PITPNA: variants seen among roughly 807,000 people sequenced by gnomAD.
PITPNA encodes phosphatidylinositol transfer protein alpha.
Under a neutral mutation model 50.3 loss-of-function variants are expected in PITPNA, and 13 were observed. The ratio of observed to expected loss-of-function variants is 0.26; its 90% confidence interval spans 0.17 to 0.41. The LOEUF is 0.41. Ranked by LOEUF, PITPNA falls within the 10% of genes least tolerant of loss-of-function variation. PITPNA has a pLI of 1.00. For synonymous variants in PITPNA, 120 were observed against 119.6 expected (o/e 1.00, Z -0.02); for missense variants, 207 against 333.4 (o/e 0.62, Z 2.95).
At chr17:1,528,299 C>A (rs1250553280) in intron 10 of PITPNA, among the ~76,000 whole-genome samples, 1 of 152,186 alleles carries the variant, frequency 6.6e-6, no homozygotes, top group African/African-American at 2.4e-5. Context: ...CACCACCACA[C>A]CTGGCTGATT....
intron 4 of PITPNA, among the ~76,000 whole-genome samples, chr17:1,544,624 G>A (rs940657506): frequency 6.6e-6 from 1 of 152,236 alleles, no homozygotes; most frequent in Non-Finnish European, 1.5e-5. Flanking sequence ...ATTTCCAAAT[G>A]AGACTAATAA....
At position 1,528,608 on chromosome 17, in the gene PITPNA, G is replaced by A. The variant is rs188808250; in HGVS notation, c.768+5491C>T. 9.2e-5 allele frequency among the ~76,000 whole-genome samples: 14 copies of A among 152,066 alleles called. No individual in the cohort carries two copies. In the East Asian group the frequency reaches 2.3e-3, roughly 25 times the overall value. ...AAAAAATTAGTCAGGTGTAGTGGTG[G>A]GACCTGAAGTCCTAGCTACTTAGGA... On this transcript the variant is annotated intron_variant, in intron 10 of 11. Transcript: ENST00000313486.
At position 1,559,113 on chromosome 17, in the gene PITPNA, G is replaced by C. The variant is rs945780920; in HGVS notation, c.21-554C>G. Among the ~76,000 whole-genome samples the C allele has an allele frequency of 5.3e-5, 8 of 152,066 alleles. No individual in the cohort carries two copies. In the East Asian group the frequency reaches 1.5e-3, roughly 29 times the overall value. ...ACCTCCCAACAACAGCCCTCCAGGG[G>C]AAGGGCCAGGAAGGGACCAAGCCCC... On this transcript the variant is annotated intron_variant, in intron 1 of 11. Transcript: ENST00000313486.
chr17:1,537,084 T>G (rs997891049), intron 7 of PITPNA, among the ~76,000 whole-genome samples: 3 of 151,050 alleles, frequency 2.0e-5, no homozygotes, highest in Admixed American at 2.0e-4. Context: ...TTTTTTTTTT[T>G]GACACAGTTT....
At chr17:1,552,609 G>C (rs1191206724) in intron 3 of PITPNA, among the ~76,000 whole-genome samples, 1 of 123,396 alleles carries the variant, frequency 8.1e-6, no homozygotes, top group Non-Finnish European at 1.8e-5. Context: ...CTAAAAATCT[G>C]CATATACAAG....
At chr17:1,522,004 T>C (rs566386009) in intron 10 of PITPNA, among the ~76,000 whole-genome samples, 14 of 150,302 alleles carry the variant, frequency 9.3e-5, no homozygotes, top group African/African-American at 3.4e-4. Flanking sequence ...GATTACAGCA[T>C]AGGTGTGAGC....
intron 10 of PITPNA, among the ~76,000 whole-genome samples, chr17:1,526,257 T>C (rs932039632): frequency 2.0e-5 from 3 of 152,166 alleles, no homozygotes; most frequent in African/African-American, 7.2e-5. Context: ...TGAAAGACAT[T>C]CTACAAAATG....
At chr17:1,526,246 T>C (rs574870460) in intron 10 of PITPNA, among the ~76,000 whole-genome samples, 24 of 152,284 alleles carry the variant, frequency 1.6e-4, no homozygotes, top group Admixed American at 1.3e-3. Flanking sequence ...CGAATCCACA[T>C]TGAAAGACAT....
At chr17:1,523,474 T>C (rs933136258) in intron 10 of PITPNA, among the ~76,000 whole-genome samples, 3 of 149,578 alleles carry the variant, frequency 2.0e-5, no homozygotes, top group African/African-American at 7.4e-5. Flanking sequence ...CCCAAGAAGC[T>C]GGGACTACAG....
At chr17:1,521,499 C>T (rs2075512332) in intron 11 of PITPNA, 80 bp downstream of exon 11, 2 of 927,648 alleles carry the variant, frequency 2.2e-6, no homozygotes, top group African/African-American at 1.6e-5. Flanking sequence ...TTTTCTGACT[C>T]CATAGTGAGC....
At chr17:1,557,888 C>A (rs572637624) in intron 2 of PITPNA, among the ~76,000 whole-genome samples, 21 of 152,308 alleles carry the variant, frequency 1.4e-4, no homozygotes, top group Admixed American at 1.2e-3. Context: ...CGCACACTTG[C>A]CAGCCGAGTC....
In PITPNA at chr17:1,562,495, C is replaced by G; in HGVS notation, c.20+46G>C. 1 of 1,398,962 alleles carries G rather than the reference C, an allele frequency of 7.1e-7. No individual in the cohort carries two copies. Among genetic ancestry groups the G allele is most frequent in the Non-Finnish European group, 9.4e-7 (1 of 1,062,660 alleles). The allele number at this position is 1,398,962 out of a possible 1,614,324, so 86.7% of individuals were successfully genotyped here. On this transcript the variant is annotated intron_variant, in intron 1 of 11. Coordinates refer to ENST00000313486, the MANE Select transcript of PITPNA (RefSeq NM_006224.4). This position sits in a 1 kb window ranked among gnomAD's most constrained non-coding sequence, Gnocchi z 6.4. ...CCGCGCCGTCGCCCCGGCGGCCGTC[C>G]CCACCCTCCCTCCTCCCCGCTTCCG... is the stretch of plus-strand genomic sequence containing the variant.
intron 2 of PITPNA, among the ~76,000 whole-genome samples, chr17:1,553,496 C>T (rs192474018): frequency 1.7e-3 from 260 of 152,228 alleles, no homozygotes; most frequent in African/African-American, 5.9e-3. Context: ...CCCACCTTGG[C>T]CTGCCAAAGT....
intron 6 of PITPNA, among the ~76,000 whole-genome samples, chr17:1,540,446 C>T (rs1217800335): frequency 6.6e-6 from 1 of 152,182 alleles, no homozygotes; most frequent in African/African-American, 2.4e-5. Flanking sequence ...GCGGCATGCA[C>T]ACACCTTGTT....
At chr17:1,533,549 G>C (rs950243254) in intron 10 of PITPNA, among the ~76,000 whole-genome samples, 7 of 152,144 alleles carry the variant, frequency 4.6e-5, no homozygotes, top group Admixed American at 3.9e-4. Context: ...CTCCAAATGA[G>C]GCATGAGAAG....
intron 1 of PITPNA, among the ~76,000 whole-genome samples, chr17:1,561,821 G>A (rs546955433): frequency 4.6e-5 from 7 of 151,948 alleles, no homozygotes; most frequent in African/African-American, 1.7e-4. Flanking sequence ...CCCCTCACCC[G>A]ATGCCTAAGG....
At chr17:1,527,330 G>A (rs1166375595) in intron 10 of PITPNA, among the ~76,000 whole-genome samples, 1 of 152,068 alleles carries the variant, frequency 6.6e-6, no homozygotes, top group African/African-American at 2.4e-5. Context: ...CGCAATCTCT[G>A]CCTCCTGGGT....
chr17:1,536,125 T>C (rs1365714779), intron 7 of PITPNA, among the ~76,000 whole-genome samples: 1 of 152,200 alleles, frequency 6.6e-6, no homozygotes, highest in Non-Finnish European at 1.5e-5. Flanking sequence ...GTCAATTTCC[T>C]GTGTTAATTA....
intron 4 of PITPNA, among the ~76,000 whole-genome samples, chr17:1,544,779 A>G (rs1186631760): frequency 2.0e-5 from 3 of 152,188 alleles, no homozygotes; most frequent in African/African-American, 7.2e-5. Context: ...TTCTACTAAA[A>G]ATATAAAAAT....
Sources: gnomAD v4.1 joint callset for allele counts (sites outside exome capture counted in the v4.1 genomes callset) on GRCh38, gnomAD v4.1.1 for gene constraint, Gnocchi (gnomAD v3.1) non-coding constraint, MANE v1.5 for transcripts, NCBI Gene and HGNC (gene_info 2026-07-23, HGNC 2026-07-21) for gene names.